Variants in ANGPT4 observed in about 807,000 individuals in gnomAD.
ANGPT4 encodes the protein angiopoietin 4.
ANGPT4 carries 50 observed loss-of-function variants against 53.0 expected under a neutral mutation model. The observed-to-expected ratio is 0.94, with a 90% confidence interval of 0.75 to 1.20. ANGPT4 has a LOEUF of 1.20. Ranked by LOEUF, ANGPT4 falls within the 50% of genes most tolerant of loss-of-function variation. The pLI, the probability that ANGPT4 is intolerant of heterozygous loss-of-function variation, is 0.00. For missense variants in ANGPT4, 648 were observed against 637.1 expected, an observed-to-expected ratio of 1.02 and a Z score of -0.18; for synonymous variants, 251 against 259.7, an observed-to-expected ratio of 0.97 and a Z score of 0.32.
At chr20:889,980 A>C (rs769014447) in intron 2 of ANGPT4, among the ~76,000 whole-genome samples, 4 of 152,316 alleles carry the variant, frequency 2.6e-5, no homozygotes, top group Middle Eastern at 3.4e-3. Context: ...AGACCCAGGC[A>C]CTGAAGTTAC....
chr20:876,364 T>C (rs1981172348), intron 7 of ANGPT4, among the ~76,000 whole-genome samples: 1 of 152,066 alleles, frequency 6.6e-6, no homozygotes, highest in African/African-American at 2.4e-5. Flanking sequence ...TGAGACTTAA[T>C]TATTCTCTGT....
intron 1 of ANGPT4, among the ~76,000 whole-genome samples, chr20:904,730 G>A (rs77251785): frequency 6.6e-5 from 10 of 152,142 alleles, no homozygotes; most frequent in East Asian, 1.9e-4. Context: ...AGGCTCAAGC[G>A]ATCTTCCCAC....
intron 1 of ANGPT4, among the ~76,000 whole-genome samples, chr20:915,056 C>T (rs948405168): frequency 3.3e-5 from 5 of 152,186 alleles, no homozygotes; most frequent in African/African-American, 9.7e-5. Context: ...TCCAGGCCTC[C>T]GGTACCTTGC....
At chr20:886,762 G>A (rs188203346) in intron 3 of ANGPT4, among the ~76,000 whole-genome samples, 26 of 152,210 alleles carry the variant, frequency 1.7e-4, no homozygotes, top group African/African-American at 5.3e-4. Flanking sequence ...TGGTTGTATG[G>A]GTACTCAAAG....
Position 915,602 on chromosome 20 carries a change from A to G in ANGPT4, c.309+304T>C, listed in dbSNP as rs181135420. ...TACTGCCTCTTTCCCCTACTAGTCC[A>G]GAGGGAGACATACTATACTGTCGTA... is the stretch of plus-strand genomic sequence containing the variant. On this transcript the variant is annotated intron_variant, in intron 1 of 8. Transcript: ENST00000381922. 4.1e-3 allele frequency among the ~76,000 whole-genome samples: 624 copies of G among 152,310 alleles called. 3 individuals are homozygous for G. Among genetic ancestry groups the G allele is most frequent in the Non-Finnish European group, 6.9e-3 (466 of 68,014 alleles).
At chr20:878,051 A>C in intron 7 of ANGPT4, 110 bp downstream of exon 7, 8 of 1,230,022 alleles carry the variant, frequency 6.5e-6, no homozygotes, top group Non-Finnish European at 8.8e-6. Flanking sequence ...AACAGGAGAC[A>C]CCCAGAGACT....
At chr20:884,876 G>A (rs1293447015) in intron 4 of ANGPT4, among the ~76,000 whole-genome samples, 1 of 152,220 alleles carries the variant, frequency 6.6e-6, no homozygotes, top group Non-Finnish European at 1.5e-5. Flanking sequence ...GGTCACCCAT[G>A]GAATCAGGGG....
At chr20:891,694 C>T (rs1270035235) in intron 1 of ANGPT4, among the ~76,000 whole-genome samples, 1 of 152,234 alleles carries the variant, frequency 6.6e-6, no homozygotes, top group Non-Finnish European at 1.5e-5. Context: ...GGCCAGGCTC[C>T]AGCCACTTCC....
chr20:892,041 A>G (rs1981868382), intron 1 of ANGPT4, among the ~76,000 whole-genome samples: 1 of 152,066 alleles, frequency 6.6e-6, no homozygotes. Flanking sequence ...GCAGGGACTG[A>G]AGACCAGAGA....
chr20:912,469 C>T (rs933716514), intron 1 of ANGPT4, among the ~76,000 whole-genome samples: 5 of 152,204 alleles, frequency 3.3e-5, no homozygotes, highest in South Asian at 2.1e-4. Context: ...GGCTCTGTCC[C>T]CCAACCTCCT....
In ANGPT4 at chr20:916,327, C is replaced by G; in HGVS notation, c.-113G>C. On this transcript the variant is annotated 5_prime_UTR_variant, in exon 1 of 9. Coordinates refer to ENST00000381922, the MANE Select transcript of ANGPT4 (RefSeq NM_015985.4). ...CTTGCCTGCAGCTGCAGCTACAAAC[C>G]TCTGTCTGGCCGAGCTCTGTCCAGG... The G allele has an allele frequency of 8.6e-7, 1 of 1,159,850 alleles. No individual in the cohort carries two copies. The highest frequency in any genetic ancestry group is 1.2e-6 in the Non-Finnish European group (1 of 823,942). The allele number at this position is 1,159,850 out of a possible 1,614,324, so 71.8% of individuals were successfully genotyped here. A position where few individuals can be genotyped will look rare whatever the true frequency, so the allele number is the denominator to read the frequency against.
rs917679606 is a variant in ANGPT4, at chr20:872,772, T to C, written c.*188A>G. On this transcript the variant is annotated 3_prime_UTR_variant, in exon 9 of 9. Coordinates refer to ENST00000381922, the MANE Select transcript of ANGPT4 (RefSeq NM_015985.4). ...AGGGATGGGCCCCGAACACCCTCCA[T>C]GTCACAGACGGAGGGGAGTTGGGGG... 2.6e-5 allele frequency: 17 copies of C among 661,088 alleles called. No homozygotes were observed. The highest frequency in any genetic ancestry group is 4.1e-5 in the Non-Finnish European group (16 of 390,694). 41.0% of individuals were successfully genotyped at this position (661,088 alleles called of 1,614,324 possible).
At chr20:892,906 G>A (rs1369648283) in intron 1 of ANGPT4, among the ~76,000 whole-genome samples, 1 of 152,110 alleles carries the variant, frequency 6.6e-6, no homozygotes, top group African/African-American at 2.4e-5. Context: ...ACTCCATCTT[G>A]CTTGACATCT....
chr20:912,261 G>T (rs1453701454), intron 1 of ANGPT4, among the ~76,000 whole-genome samples: 1 of 152,208 alleles, frequency 6.6e-6, no homozygotes, highest in Non-Finnish European at 1.5e-5. Context: ...GTGTGCAGAG[G>T]CTTTCTCTGC....
intron 1 of ANGPT4, among the ~76,000 whole-genome samples, chr20:909,946 C>T (rs572145397): frequency 9.7e-4 from 147 of 152,298 alleles, no homozygotes; most frequent in African/African-American, 3.4e-3. Flanking sequence ...CCTAGGGAGC[C>T]TTGGGCCAAG....
At chr20:873,206 A>G (rs1362077549) in intron 8 of ANGPT4, 86 bp from the exon 9 acceptor site, 14 of 1,470,488 alleles carry the variant, frequency 9.5e-6, no homozygotes, top group Non-Finnish European at 1.2e-5. Context: ...CAAAGAGAAC[A>G]AAGACTAATC....
rs2122138704 is a variant in ANGPT4 at position 911,960 on chromosome 20, C to T, written c.309+3946G>A. Among the ~76,000 whole-genome samples the T allele has an allele frequency of 6.6e-6, 1 of 152,162 alleles. No homozygotes were observed. Among genetic ancestry groups the T allele is most frequent in the Admixed American group, 6.5e-5 (1 of 15,288 alleles). ...TGGACCCCAGGCCAGCAGCTGCTGG[C>T]TGCTCCCTAAAGGTGAGAAAGTAGT... On this transcript the variant is annotated intron_variant, in intron 1 of 8. Coordinates refer to ENST00000381922, the MANE Select transcript of ANGPT4 (RefSeq NM_015985.4). This position sits in a 1 kb window ranked among gnomAD's most constrained non-coding sequence, Gnocchi z 4.9.
At chr20:880,008 C>G (rs1981338797) in intron 5 of ANGPT4, among the ~76,000 whole-genome samples, 160 bp from the exon 6 acceptor site, 1 of 152,244 alleles carries the variant, frequency 6.6e-6, no homozygotes, top group Non-Finnish European at 1.5e-5. Context: ...ATTCCCCACC[C>G]ATTGTCATCA....
rs982674713 is a variant in ANGPT4, at chr20:908,662, G to A, written c.309+7244C>T. 3.3e-5 allele frequency among the ~76,000 whole-genome samples: 5 copies of A among 152,270 alleles called. No individual in the cohort carries two copies. The highest frequency in any genetic ancestry group is 1.9e-4 in the East Asian group (1 of 5,182). On this transcript the variant is annotated intron_variant, in intron 1 of 8. Coordinates refer to ENST00000381922, the MANE Select transcript of ANGPT4 (RefSeq NM_015985.4). The surrounding 1 kb of genome is among the most constrained non-coding windows in gnomAD (Gnocchi z 4.9). ...CCTTGTCACTTGCATGGCGCCTGGC[G>A]CATTGTAAGCCCTCAATAAACAGTG...
Sources: gnomAD v4.1 joint callset for allele counts (sites outside exome capture counted in the v4.1 genomes callset) on GRCh38, gnomAD v4.1.1 for gene constraint, Gnocchi (gnomAD v3.1) non-coding constraint, MANE v1.5 for transcripts, NCBI Gene and HGNC (gene_info 2026-07-23, HGNC 2026-07-21) for gene names.